Variants in FADS1 observed in about 807,000 individuals in gnomAD.
The protein encoded by FADS1 is fatty acid desaturase 1, also known as acyl-CoA (8-3)-desaturase.
FADS1 carries 17 observed loss-of-function variants against 61.6 expected under a neutral mutation model. That is an observed-to-expected ratio of 0.28 (90% CI 0.19 to 0.41). The LOEUF is 0.41. Ranked by LOEUF, FADS1 falls within the 10% of genes least tolerant of loss-of-function variation. FADS1 has a pLI of 1.00. For synonymous variants in FADS1, 238 were observed against 258.7 expected (o/e 0.92, Z 0.77); for missense variants, 387 against 650.9 (o/e 0.59, Z 4.41).
Position 61,802,719 on chromosome 11 carries a change from C to G in FADS1, c.1454+82G>C. ...CACGACTGGGAACACCTTCTGTTCACTCCCCACCCTACATGTCATCATTTC... is the reference window on the plus strand; with the variant it reads ...CACGACTGGGAACACCTTCTGTTCAGTCCCCACCCTACATGTCATCATTTC... On this transcript the variant is annotated intron_variant, in intron 11 of 11. Transcript: ENST00000350997. The surrounding 1 kb of genome is among the most constrained non-coding windows in gnomAD (Gnocchi z 4.2). 1 of 1,583,974 alleles carries G rather than the reference C, an allele frequency of 6.3e-7. No individual in the cohort carries two copies. The highest frequency in any genetic ancestry group is 8.6e-7 in the Non-Finnish European group (1 of 1,157,250).
rs2066944807 is a variant in FADS1, at chr11:61,813,275, G to T, written c.454C>A (p.Pro152Thr). 1 of 1,612,930 alleles carries T rather than the reference G, an allele frequency of 6.2e-7. No individual in the cohort carries two copies. The highest frequency in any genetic ancestry group is 1.7e-5 in the Admixed American group (1 of 59,918). ...MNSLLIGELS[P>T]EQPSFEPTKN... The stretch of plus-strand genomic sequence containing the variant: ...GTGGGCTCAAAGCTGGGCTGCTCTG[G>T]AGACAGTTCTCCAATCAGGAGAGAG... The change falls in exon 2 of 12, where the codon CCA (proline) becomes ACA (threonine). Residue 152 changes from proline (P) to threonine (T), a missense_variant. Transcript: ENST00000350997.
intron 5 of FADS1, 36 bp from the exon 6 acceptor site, chr11:61,806,760 C>T: frequency 1.3e-6 from 2 of 1,584,752 alleles, no homozygotes; most frequent in Non-Finnish European, 8.7e-7. Flanking sequence ...CATTCGGAGA[C>T]CAGTGATTCC....
Position 61,813,447 on chromosome 11 carries a change from G to A in FADS1, c.376-94C>T, listed in dbSNP as rs191248956. Reference sequence around the variant, plus strand: ...AAGGCCATCCTCCTGCCCGCCAGAAGGCTGTACCCAAGTTGAAGTGAGAGG... The same window carrying A: ...AAGGCCATCCTCCTGCCCGCCAGAAAGCTGTACCCAAGTTGAAGTGAGAGG... On this transcript the variant is annotated intron_variant, in intron 1 of 11. Transcript: ENST00000350997. 4 of 735,850 alleles carry A rather than the reference G, an allele frequency of 5.4e-6. 1 individual carries two copies. The highest frequency in any genetic ancestry group is 5.0e-5 in the East Asian group (2 of 39,686). The allele number at this position is 735,850 out of a possible 1,614,324, so 45.6% of individuals were successfully genotyped here. A position where few individuals can be genotyped will look rare whatever the true frequency, so the allele number is the denominator to read the frequency against.
intron 7 of FADS1, 192 bp downstream of exon 7, chr11:61,804,493 T>C (rs1024716462): frequency 5.3e-6 from 3 of 561,898 alleles, no homozygotes; most frequent in Non-Finnish European, 9.5e-6. Flanking sequence ...AAATTACACA[T>C]TGGGAATCAG....
chr11:61,805,020 G>A, intron 6 of FADS1: 1 of 551,106 alleles, frequency 1.8e-6, no homozygotes. Context: ...GCACTCTTCA[G>A]TGACAGGTGC....
chr11:61,806,519 G>A, intron 6 of FADS1, 145 bp downstream of exon 6: 1 of 718,794 alleles, frequency 1.4e-6, no homozygotes, highest in Non-Finnish European at 2.5e-6. Flanking sequence ...CTGCTGTCAT[G>A]CAGGGAGTAA....
Position 61,802,713 on chromosome 11 carries a change from T to C in FADS1, c.1454+88A>G. The C allele has an allele frequency of 6.4e-7, 1 of 1,570,148 alleles. No individual in the cohort carries two copies. Among genetic ancestry groups the C allele is most frequent in the Non-Finnish European group, 8.7e-7 (1 of 1,145,932 alleles). Reference sequence around the variant, plus strand: ...ATCCCACACGACTGGGAACACCTTCTGTTCACTCCCCACCCTACATGTCAT... The same window carrying C: ...ATCCCACACGACTGGGAACACCTTCCGTTCACTCCCCACCCTACATGTCAT... On this transcript the variant is annotated intron_variant, in intron 11 of 11. Coordinates refer to ENST00000350997, the MANE Select transcript of FADS1 (RefSeq NM_013402.7). This position sits in a 1 kb window ranked among gnomAD's most constrained non-coding sequence, Gnocchi z 4.2.
At chr11:61,806,599 ATCC>A in intron 6 of FADS1, 62 bp downstream of exon 6, 7 of 1,419,826 alleles carry the variant, frequency 4.9e-6, no homozygotes, top group Non-Finnish European at 7.0e-6. Context: ...GGACAGCCAC[ATCC>A]TCCTCATTCC....
Position 61,802,990 on chromosome 11 carries a change from AC to A in FADS1, c.1328+41del. 1 of 1,613,778 alleles carries A rather than the reference AC, an allele frequency of 6.2e-7. No individual in the cohort carries two copies. The highest frequency in any genetic ancestry group is 8.5e-7 in the Non-Finnish European group (1 of 1,179,868). On this transcript the variant is annotated intron_variant, in intron 10 of 11. Coordinates refer to ENST00000350997, the MANE Select transcript of FADS1 (RefSeq NM_013402.7). This position sits in a 1 kb window ranked among gnomAD's most constrained non-coding sequence, Gnocchi z 4.2. ...CTGCTCCCACCTGTACCCAACACTT[AC>A]ACCCTCCCCAGGACCCTGCTTCCCC...
At position 61,812,540 on chromosome 11, in the gene FADS1, G is replaced by T; in HGVS notation, c.615C>A (p.Leu205=). 1.2e-6 allele frequency: 2 copies of T among 1,614,126 alleles called. No individual in the cohort carries two copies. The highest frequency in any genetic ancestry group is 1.7e-6 in the Non-Finnish European group (2 of 1,180,026). ...HILLLDGAAW[L]TLWVFGTSFL... is the part of the protein sequence containing the mutation. ...AGGACGTCCCAAAGACCCAAAGGGT[G>T]AGCCAGGCTGCACCATCCAGCAGCA... Residue 205 remains leucine (L), a synonymous_variant, in exon 3 of 12, where the codon CTC becomes CTA. Transcript: ENST00000350997.
chr11:61,807,748 G>A (rs1010853228), intron 5 of FADS1, among the ~76,000 whole-genome samples: 3 of 152,118 alleles, frequency 2.0e-5, no homozygotes, highest in African/African-American at 4.8e-5. Flanking sequence ...TGTCTGCATC[G>A]CACTCCAATT....
intron 3 of FADS1, among the ~76,000 whole-genome samples, chr11:61,811,291 C>G (rs1207809679): frequency 6.6e-6 from 1 of 152,162 alleles, no homozygotes; most frequent in African/African-American, 2.4e-5. Context: ...TTCTGTTTCG[C>G]CAGCTCCGAA....
intron 5 of FADS1, among the ~76,000 whole-genome samples, chr11:61,809,740 A>T (rs1325117897): frequency 1.3e-5 from 2 of 152,190 alleles, no homozygotes; most frequent in African/African-American, 4.8e-5. Context: ...CTGCTTCGTC[A>T]TCTGCATAGT....
Position 61,816,941 on chromosome 11 carries a change from C to A in FADS1, c.-12G>T, listed in dbSNP as rs1164598875. ...GCGCGCGTTCCCATTGGCCGAGCCT[C>A]GTGGCGCGGGGAGCGAGATCCCGTC... On this transcript the variant is annotated 5_prime_UTR_variant, in exon 1 of 12. Transcript: ENST00000350997. The surrounding 1 kb of genome is among the most constrained non-coding windows in gnomAD (Gnocchi z 7.0). The A allele has an allele frequency of 3.6e-6, 5 of 1,378,452 alleles. 1 individual carries two copies. In the African/African-American group the frequency reaches 6.1e-5, roughly 17 times the overall value. The allele number at this position is 1,378,452 out of a possible 1,614,324, so 85.4% of individuals were successfully genotyped here.
At chr11:61,806,825 G>A (rs1023295310) in intron 5 of FADS1, 101 bp from the exon 6 acceptor site, 6 of 1,047,710 alleles carry the variant, frequency 5.7e-6, no homozygotes, top group Non-Finnish European at 9.0e-6. Flanking sequence ...CTCCAGGGCT[G>A]ACAGCTTGTT....
chr11:61,802,836 G>C lies in FADS1; in HGVS notation c.1419C>G (p.Ser473=), dbSNP rs764353733. 39 of 1,614,096 alleles carry C rather than the reference G, an allele frequency of 2.4e-5. No individual in the cohort carries two copies. Among genetic ancestry groups the C allele is most frequent in the Non-Finnish European group, 3.0e-5 (35 of 1,180,052 alleles). The part of the protein sequence containing the change: ...LCAKHGIEYQ[S]KPLLSAFADI... ...CGGCGAAGGCTGACAGCAGGGGCTT[G>C]GACTGGTACTCTATGCCATGCTTGG... is the stretch of plus-strand genomic sequence containing the variant. Residue 473 remains serine, a synonymous_variant, in exon 11 of 12, where the codon TCC becomes TCG. Transcript: ENST00000350997. This position sits in a 1 kb window ranked among gnomAD's most constrained non-coding sequence, Gnocchi z 4.2.
Position 61,816,968 on chromosome 11 carries a change from C to T in FADS1, c.-39G>A, listed in dbSNP as rs1414916458. ...TGGCGCGGGGAGCGAGATCCCGTCC[C>T]CCGGTGGGTCTTGGGCAACTCACAG... On this transcript the variant is annotated 5_prime_UTR_variant, in exon 1 of 12. Coordinates refer to ENST00000350997, the MANE Select transcript of FADS1 (RefSeq NM_013402.7). This position sits in a 1 kb window ranked among gnomAD's most constrained non-coding sequence, Gnocchi z 7.0. The T allele has an allele frequency of 7.3e-7, 1 of 1,368,780 alleles. No homozygotes were observed. The highest frequency in any genetic ancestry group is 1.5e-5 in the African/African-American group (1 of 65,172). 84.8% of individuals were successfully genotyped at this position (1,368,780 alleles called of 1,614,324 possible). A position where few individuals can be genotyped will look rare whatever the true frequency, so the allele number is the denominator to read the frequency against.
chr11:61,809,223 G>A (rs780133626), intron 5 of FADS1, among the ~76,000 whole-genome samples: 4 of 152,078 alleles, frequency 2.6e-5, no homozygotes, highest in African/African-American at 4.8e-5. Context: ...TTCAGATGTC[G>A]GCACCCGAAG....
In FADS1 at chr11:61,816,887, C is replaced by T. The variant is rs1565322983; in HGVS notation, c.43G>A (p.Ala15Thr). 3 of 1,459,104 alleles carry T rather than the reference C, an allele frequency of 2.1e-6. No homozygotes were observed. The highest frequency in any genetic ancestry group is 2.7e-6 in the Non-Finnish European group (3 of 1,116,170). The allele number at this position is 1,459,104 out of a possible 1,614,324, so 90.4% of individuals were successfully genotyped here. Residue 15 changes from alanine (A) to threonine (T), a missense_variant, in exon 1 of 12, where the codon GCT becomes ACT. Ala to Thr is a moderately conservative substitution (Grantham distance 58). This residue lies in a region of FADS1 where 130 missense variants were observed against 117.7 expected (regional missense o/e 1.10). Coordinates refer to ENST00000350997, the MANE Select transcript of FADS1 (RefSeq NM_013402.7). This position sits in a 1 kb window ranked among gnomAD's most constrained non-coding sequence, Gnocchi z 7.0. Reference sequence around the variant, plus strand: ...AGCCGCCTGCGCGCCGGGTTTTCAGCACCGCAGGGCAGACCGGCGGGCCTC... The same window carrying T: ...AGCCGCCTGCGCGCCGGGTTTTCAGTACCGCAGGGCAGACCGGCGGGCCTC... ...AARPAGLPCG[A>T]ENPARRRLAL... is the part of the protein sequence containing the mutation.
Sources: allele counts gnomAD v4.1 joint callset (sites outside exome capture counted in the v4.1 genomes callset), GRCh38; gene constraint gnomAD v4.1.1; regional missense constraint gnomAD v4.1.1; non-coding constraint Gnocchi (gnomAD v3.1); transcripts MANE v1.5; gene names NCBI Gene and HGNC (gene_info 2026-07-23, HGNC 2026-07-21).